Variants in MET observed in about 807,000 individuals in gnomAD.
The protein encoded by MET is MET proto-oncogene, receptor tyrosine kinase.
Under a neutral mutation model 133.1 loss-of-function variants are expected in MET, and 48 were observed. The ratio of observed to expected loss-of-function variants is 0.36; its 90% CI spans 0.29 to 0.46. The LOEUF is 0.46. MET is among the 20% of genes least tolerant of loss of function. MET has a pLI of 1.00. For missense variants in MET, 1,442 were observed against 1,695.9 expected, an observed-to-expected ratio of 0.85 and a Z score of 2.63; for synonymous variants, 628 against 616.5, an observed-to-expected ratio of 1.02 and a Z score of -0.28.
chr7:116,700,228 A>G lies in MET; in HGVS notation c.1144A>G (p.Asn382Asp), dbSNP rs1791522873. The G allele has an allele frequency of 6.2e-7, 1 of 1,600,010 alleles. No individual in the cohort carries two copies. The highest frequency in any genetic ancestry group is 8.5e-7 in the Non-Finnish European group (1 of 1,176,140). ...CTTCAACAAGATCGTCAACAAAAAC[A>G]ATGTGAGATGTCTCCAGCATTTTTA... is the stretch of plus-strand genomic sequence containing the variant. ...DFFNKIVNKNNVRCLQHFYGP... is the reference protein window; with the variant it reads ...DFFNKIVNKNDVRCLQHFYGP... Residue 382 changes from asparagine (N) to aspartate (D), a missense_variant, in exon 2 of 21, where the codon AAT becomes GAT. Transcript: ENST00000397752.
intron 1 of MET, among the ~76,000 whole-genome samples, chr7:116,685,450 G>T (rs567866465): frequency 6.6e-6 from 1 of 152,240 alleles, no homozygotes; most frequent in East Asian, 1.9e-4. Context: ...GGCTGAGGCG[G>T]GTGGATAGTG....
At chr7:116,716,507 AAG>A (rs1229707662) in intron 2 of MET, among the ~76,000 whole-genome samples, 1 of 151,520 alleles carries the variant, frequency 6.6e-6, no homozygotes, top group Non-Finnish European at 1.5e-5. Context: ...GAAAGAAAGA[AAG>A]AAAGAAAGAA....
rs761404310 is a variant in MET at position 116,755,323 on chromosome 7, GT to G, written c.1702-25del. ...TATGTGAAAAATTATAATATATTGG[GT>G]TTTTTTAAAAGTTCTATGTTGTCCT... is the stretch of plus-strand genomic sequence containing the variant. On this transcript the variant is annotated intron_variant, in intron 5 of 20. Coordinates refer to ENST00000397752, the MANE Select transcript of MET (RefSeq NM_000245.4). 17 of 1,611,374 alleles carry G rather than the reference GT, an allele frequency of 1.1e-5. No homozygotes were observed. The highest frequency in any genetic ancestry group is 3.3e-4 in the Middle Eastern group (2 of 6,054).
rs77907624 is a variant in MET at position 116,688,600 on chromosome 7, G to T, written c.-14-10471G>T. ...ATTATGTACAATGGTAAAAACAAAT[G>T]TCCATTTATTCTTCTTTCCAAGAAG... On this transcript the variant is annotated intron_variant, in intron 1 of 20. Coordinates refer to ENST00000397752, the MANE Select transcript of MET (RefSeq NM_000245.4). Among the ~76,000 whole-genome samples the T allele has an allele frequency of 6.9e-3, 1,051 of 152,300 alleles. 16 individuals carry two copies. Among genetic ancestry groups the T allele is most frequent in the African/African-American group, 0.024 (986 of 41,564 alleles).
intron 1 of MET, among the ~76,000 whole-genome samples, chr7:116,694,709 A>G (rs543253156): frequency 6.6e-6 from 1 of 152,064 alleles, no homozygotes; most frequent in Non-Finnish European, 1.5e-5. Flanking sequence ...TTTTTTTTAG[A>G]TGGAGTCTCG....
At chr7:116,709,089 C>T (rs987157549) in intron 2 of MET, among the ~76,000 whole-genome samples, 4 of 152,108 alleles carry the variant, frequency 2.6e-5, no homozygotes, top group African/African-American at 9.7e-5. Context: ...CAAGTGCTCA[C>T]AAGGATATCA....
At chr7:116,697,984 T>G (rs1797026029) in intron 1 of MET, among the ~76,000 whole-genome samples, 1 of 152,218 alleles carries the variant, frequency 6.6e-6, no homozygotes, top group African/African-American at 2.4e-5. Context: ...CTCAGTGATT[T>G]CTGATGTGGT....
chr7:116,697,627 T>C lies in MET; in HGVS notation c.-14-1444T>C, dbSNP rs553729006. ...GGCTTAATTTTTATTCATCATTTAT[T>C]CAGTATCTATTTGTTTAACACCTTC... On this transcript the variant is annotated intron_variant, in intron 1 of 20. Transcript: ENST00000397752. 3.9e-5 allele frequency among the ~76,000 whole-genome samples: 6 copies of C among 152,320 alleles called. No individual in the cohort carries two copies. In the East Asian group the frequency reaches 1.2e-3, roughly 29 times the overall value.
chr7:116,722,975 T>G (rs1368727869), intron 2 of MET, among the ~76,000 whole-genome samples: 5 of 149,096 alleles, frequency 3.4e-5, no homozygotes, highest in Non-Finnish European at 6.0e-5. Context: ...GTTGCTCTTC[T>G]CAAGGAGTAT....
intron 17 of MET, among the ~76,000 whole-genome samples, chr7:116,779,173 A>G (rs749766519): frequency 1.3e-5 from 2 of 152,222 alleles, no homozygotes; most frequent in African/African-American, 2.4e-5. Context: ...TTGCTCTGCA[A>G]GCAACCTTGC....
At chr7:116,706,022 G>A (rs1456474931) in intron 2 of MET, among the ~76,000 whole-genome samples, 2 of 151,682 alleles carry the variant, frequency 1.3e-5, no homozygotes, top group Non-Finnish European at 2.9e-5. Flanking sequence ...ACCATTACAT[G>A]GCTCATTCAC....
In MET at chr7:116,774,952, A is replaced by G. The variant is rs993773653; in HGVS notation, c.3100A>G (p.Ile1034Val). The G allele has an allele frequency of 9.3e-6, 15 of 1,614,088 alleles. No homozygotes were observed. Among genetic ancestry groups the G allele is most frequent in the Non-Finnish European group, 1.2e-5 (14 of 1,179,970 alleles). The change falls in exon 15 of 21, where the codon ATC becomes GTC. Residue 1034 changes from isoleucine (I) to valine (V), a missense_variant. Transcript: ENST00000397752. ...GTATCCTCTGACAGACATGTCCCCCATCCTAACTAGTGGGGACTCTGATAT... is the reference window on the plus strand; with the variant it reads ...GTATCCTCTGACAGACATGTCCCCCGTCCTAACTAGTGGGGACTCTGATAT... ...VQYPLTDMSP[I>V]LTSGDSDISS...
At chr7:116,703,039 A>T (rs1584881636) in intron 2 of MET, among the ~76,000 whole-genome samples, 1 of 152,148 alleles carries the variant, frequency 6.6e-6, no homozygotes, top group East Asian at 1.9e-4. Context: ...CATATTGATG[A>T]CATCACAAAA....
chr7:116,714,629 G>A (rs1562891845), intron 2 of MET, among the ~76,000 whole-genome samples: 1 of 152,108 alleles, frequency 6.6e-6, no homozygotes, highest in Non-Finnish European at 1.5e-5. Context: ...TAGACCCAAG[G>A]TAGAAGCATT....
intron 1 of MET, among the ~76,000 whole-genome samples, chr7:116,676,296 C>T: frequency 6.6e-6 from 1 of 152,266 alleles, no homozygotes; most frequent in South Asian, 2.1e-4. Context: ...ATGTATCTCT[C>T]CTAATATAAT....
intron 11 of MET, among the ~76,000 whole-genome samples, chr7:116,763,763 A>G (rs976381870): frequency 3.9e-5 from 6 of 152,212 alleles, no homozygotes; most frequent in East Asian, 1.9e-4. Flanking sequence ...TCTAAATGTA[A>G]TTTAATAGAG....
intron 2 of MET, among the ~76,000 whole-genome samples, chr7:116,728,199 C>A (rs1792866767): frequency 6.6e-6 from 1 of 152,176 alleles, no homozygotes; most frequent in African/African-American, 2.4e-5. Flanking sequence ...GCCACTTGAA[C>A]CTGACATATT....
chr7:116,694,728 T>A (rs1411994476), intron 1 of MET, among the ~76,000 whole-genome samples: 1 of 152,156 alleles, frequency 6.6e-6, no homozygotes, highest in Non-Finnish European at 1.5e-5. Flanking sequence ...CGCTCTGTCA[T>A]CAGGCTGGAG....
In MET at chr7:116,778,770, T is replaced by C; in HGVS notation, c.3341-6T>C. 1 of 1,613,868 alleles carries C rather than the reference T, an allele frequency of 6.2e-7. No individual in the cohort carries two copies. Among genetic ancestry groups the C allele is most frequent in the South Asian group, 1.1e-5 (1 of 91,072 alleles). On this transcript the variant is annotated splice_region_variant and splice_polypyrimidine_tract_variant and intron_variant, in intron 16 of 20. Coordinates refer to ENST00000397752, the MANE Select transcript of MET (RefSeq NM_000245.4). The stretch of plus-strand genomic sequence containing the variant: ...AAGTTAATGTCTCCACCACTGGATT[T>C]CTCAGGAATCACTGACATAGGAGAA...
Sources: allele counts gnomAD v4.1 joint callset (sites outside exome capture counted in the v4.1 genomes callset), GRCh38; gene constraint gnomAD v4.1.1; transcripts MANE v1.5; gene names NCBI Gene and HGNC (gene_info 2026-07-23, HGNC 2026-07-21).